Variants in ZSCAN20 observed in about 807,000 individuals in gnomAD.
The protein encoded by ZSCAN20 is zinc finger and SCAN domain containing 20, also known as zinc finger and SCAN domain-containing protein 20.
Under a neutral mutation model 97.1 loss-of-function variants are expected in ZSCAN20, and 39 were observed. The ratio of observed to expected loss-of-function variants is 0.40; its 90% CI spans 0.31 to 0.52. The LOEUF (loss-of-function observed/expected upper bound fraction) is 0.52, where lower values mean the gene tolerates loss of function less well. Among genes scored for constraint, ZSCAN20 ranks in the 20% least tolerant of loss-of-function variants. The pLI, the probability that ZSCAN20 is intolerant of heterozygous loss-of-function variation, is 0.49. For missense variants in ZSCAN20, 1,115 were observed against 1,290.4 expected (o/e 0.86, Z 2.08); for synonymous variants, 456 against 467.3 (o/e 0.98, Z 0.31).
rs944518579 is a variant in ZSCAN20 at position 33,493,790 on chromosome 1, C to A, written c.1873+175C>A. On this transcript the variant is annotated intron_variant, in intron 7 of 7. Coordinates refer to ENST00000684572, the MANE Select transcript of ZSCAN20 (RefSeq NM_001377376.1). The surrounding 1 kb of genome is among the most constrained non-coding windows in gnomAD (Gnocchi z 4.3). ...TCTAGCTTTGTGTGATCCCCCGAATCAGTCAGTCAGTCAGTCATTCTATCT... is the reference window on the plus strand; with the variant it reads ...TCTAGCTTTGTGTGATCCCCCGAATAAGTCAGTCAGTCAGTCATTCTATCT... 1.3e-5 allele frequency among the ~76,000 whole-genome samples: 2 copies of A among 152,230 alleles called. No individual in the cohort carries two copies. The highest frequency in any genetic ancestry group is 4.8e-5 in the African/African-American group (2 of 41,466).
chr1:33,491,486 A>G lies in ZSCAN20; in HGVS notation c.1228A>G (p.Arg410Gly), dbSNP rs761159552. The G allele has an allele frequency of 8.1e-6, 13 of 1,614,122 alleles. No individual in the cohort carries two copies. In the East Asian group the frequency reaches 2.7e-4, roughly 33 times the overall value. The part of the protein sequence containing the change: ...PFYEELEALV[R>G]ARTAIRATDG... ...CTATGAGGAGCTGGAGGCCCTGGTCAGGGCTCGGACAGCCATCAGAGCCAC... is the reference window on the plus strand; with the variant it reads ...CTATGAGGAGCTGGAGGCCCTGGTCGGGGCTCGGACAGCCATCAGAGCCAC... The change falls in exon 6 of 8, where the codon AGG becomes GGG. Residue 410 changes from arginine to glycine, a missense_variant. Arg to Gly is a moderately radical substitution (Grantham distance 125). This residue lies in a region of ZSCAN20 where 508 missense variants were observed against 611.2 expected (regional missense o/e 0.83). Coordinates refer to ENST00000684572, the MANE Select transcript of ZSCAN20 (RefSeq NM_001377376.1). This position sits in a 1 kb window ranked among gnomAD's most constrained non-coding sequence, Gnocchi z 4.3.
intron 1 of ZSCAN20, among the ~76,000 whole-genome samples, chr1:33,474,183 C>A (rs1223200248): frequency 6.6e-6 from 1 of 152,224 alleles, no homozygotes; most frequent in African/African-American, 2.4e-5. Flanking sequence ...GTACTCAGAG[C>A]CCTCAGCACA....
intron 2 of ZSCAN20, among the ~76,000 whole-genome samples, chr1:33,487,721 G>A (rs917789641): frequency 1.3e-5 from 2 of 152,114 alleles, no homozygotes; most frequent in African/African-American, 2.4e-5. Flanking sequence ...TAGGTCACTG[G>A]TACTTCAAAC....
intron 2 of ZSCAN20, among the ~76,000 whole-genome samples, chr1:33,482,329 G>T (rs148620015): frequency 2.6e-4 from 40 of 152,122 alleles, no homozygotes; most frequent in African/African-American, 9.4e-4. Context: ...ACAGTATATA[G>T]CCCTTTCAGA....
At chr1:33,481,705 A>G (rs1188068832) in intron 2 of ZSCAN20, among the ~76,000 whole-genome samples, 1 of 152,206 alleles carries the variant, frequency 6.6e-6, no homozygotes, top group Non-Finnish European at 1.5e-5. Context: ...GTGAACCTGA[A>G]AAAGGTTGGT....
chr1:33,472,890 C>T (rs887284664), intron 1 of ZSCAN20, among the ~76,000 whole-genome samples, 199 bp downstream of exon 1: 1 of 150,084 alleles, frequency 6.7e-6, no homozygotes, highest in Admixed American at 6.6e-5. Context: ...GATGAGGAGG[C>T]GATAGAGGGC....
rs894148959 is a variant in ZSCAN20 at position 33,496,064 on chromosome 1, G to A, written c.*588G>A. On this transcript the variant is annotated 3_prime_UTR_variant, in exon 8 of 8. Coordinates refer to ENST00000684572, the MANE Select transcript of ZSCAN20 (RefSeq NM_001377376.1). ...TGGCAAGCTCTGTGCTAAGAACTTT[G>A]TATACATCATCTCATTTAATCTTCA... 1 of 152,194 alleles carries A rather than the reference G, an allele frequency of 6.6e-6. No homozygotes were observed. Among genetic ancestry groups the A allele is most frequent in the Non-Finnish European group, 1.5e-5 (1 of 68,044 alleles). 9.4% of individuals were successfully genotyped at this position (152,194 alleles called of 1,614,324 possible). A position where few individuals can be genotyped will look rare whatever the true frequency, so the allele number is the denominator to read the frequency against.
chr1:33,484,454 AT>A (rs1225596758), intron 2 of ZSCAN20, among the ~76,000 whole-genome samples: 1 of 151,592 alleles, frequency 6.6e-6, no homozygotes, highest in East Asian at 1.9e-4. Context: ...TGATCATGTG[AT>A]TTTTCTTTTT....
chr1:33,493,200 G>C lies in ZSCAN20; in HGVS notation c.1458G>C (p.Trp486Cys), dbSNP rs1288355914. The C allele has an allele frequency of 1.2e-6, 2 of 1,613,638 alleles. No homozygotes were observed. Residue 486 changes from tryptophan to cysteine, a missense_variant, in exon 7 of 8, where the codon TGG (tryptophan) becomes TGC (cysteine). By Grantham distance (215) the Trp-to-Cys change is radical. Coordinates refer to ENST00000684572, the MANE Select transcript of ZSCAN20 (RefSeq NM_001377376.1). The surrounding 1 kb of genome is among the most constrained non-coding windows in gnomAD (Gnocchi z 4.3). ...LFQSRIAGVHWGYEETKAFLA... is the reference protein window; with the variant it reads ...LFQSRIAGVHCGYEETKAFLA... ...CACTCCTGACAGCAGGTGTGCACTG[G>C]GGCTATGAGGAGACCAAGGCCTTCC...
At position 33,500,734 on chromosome 1, in the gene ZSCAN20, G is replaced by A. The variant is rs925877452; in HGVS notation, c.*5258G>A. ...AAAATTGTGCCCCCTAGAGGGCGAG[G>A]GCCACGGGAAGGGGGATCAGGAAAA... On this transcript the variant is annotated 3_prime_UTR_variant, in exon 8 of 8. Coordinates refer to ENST00000684572, the MANE Select transcript of ZSCAN20 (RefSeq NM_001377376.1). Among the ~76,000 whole-genome samples the A allele has an allele frequency of 6.6e-6, 1 of 151,434 alleles. No homozygotes were observed. The highest frequency in any genetic ancestry group is 6.6e-5 in the Admixed American group (1 of 15,202).
Position 33,491,229 on chromosome 1 carries a change from T to C in ZSCAN20, c.971T>C (p.Val324Ala). The C allele has an allele frequency of 6.2e-7, 1 of 1,614,086 alleles. No individual in the cohort carries two copies. The highest frequency in any genetic ancestry group is 1.1e-5 in the South Asian group (1 of 91,074). ...WDVEDMKVSGVHWGYEETKTF... is the reference protein window; with the variant it reads ...WDVEDMKVSGAHWGYEETKTF... ...GTGGAGGACATGAAGGTGTCAGGTGTTCACTGGGGCTATGAGGAGACCAAG... is the reference window on the plus strand; with the variant it reads ...GTGGAGGACATGAAGGTGTCAGGTGCTCACTGGGGCTATGAGGAGACCAAG... Residue 324 changes from valine to alanine, a missense_variant, in exon 6 of 8, where the codon GTT becomes GCT. Physicochemically the swap from Val to Ala is moderately conservative, Grantham distance 64 (BLOSUM62 0). Coordinates refer to ENST00000684572, the MANE Select transcript of ZSCAN20 (RefSeq NM_001377376.1). This position sits in a 1 kb window ranked among gnomAD's most constrained non-coding sequence, Gnocchi z 4.3.
intron 2 of ZSCAN20, among the ~76,000 whole-genome samples, chr1:33,484,661 G>A (rs1347018283): frequency 4.9e-5 from 7 of 143,168 alleles, no homozygotes; most frequent in Non-Finnish European, 9.0e-5. Flanking sequence ...TGGTTCTGTC[G>A]CCCAGGCTGG....
At chr1:33,482,229 T>C (rs553793134) in intron 2 of ZSCAN20, among the ~76,000 whole-genome samples, 16 of 152,328 alleles carry the variant, frequency 1.1e-4, no homozygotes, top group South Asian at 8.3e-4. Flanking sequence ...TACCTGTTTA[T>C]TCTTCCTTCC....
At chr1:33,489,326 AC>A in intron 4 of ZSCAN20, 135 bp downstream of exon 4, 3 of 1,077,468 alleles carry the variant, frequency 2.8e-6, no homozygotes, top group Non-Finnish European at 4.1e-6. Context: ...TTTGCCCTTC[AC>A]CCCCAGCCTG....
chr1:33,491,826 T>C lies in ZSCAN20; in HGVS notation c.1444+124T>C, dbSNP rs898258639. 1.5e-5 allele frequency: 14 copies of C among 947,826 alleles called. No individual in the cohort carries two copies. In the East Asian group the frequency reaches 3.6e-4, roughly 24 times the overall value. The allele number at this position is 947,826 out of a possible 1,614,324, so 58.7% of individuals were successfully genotyped here. ...GAAGCCACTAGAGTGAAGAGCTACATTCCTTAGGTCATCCTCAAACTCCAA... is the reference window on the plus strand; with the variant it reads ...GAAGCCACTAGAGTGAAGAGCTACACTCCTTAGGTCATCCTCAAACTCCAA... On this transcript the variant is annotated intron_variant, in intron 6 of 7. Transcript: ENST00000684572. This position sits in a 1 kb window ranked among gnomAD's most constrained non-coding sequence, Gnocchi z 4.3.
In ZSCAN20 at chr1:33,479,226, C is replaced by G; in HGVS notation, c.-63C>G. 1 of 1,510,996 alleles carries G rather than the reference C, an allele frequency of 6.6e-7. No individual in the cohort carries two copies. Among genetic ancestry groups the G allele is most frequent in the East Asian group, 2.3e-5 (1 of 43,902 alleles). The allele number at this position is 1,510,996 out of a possible 1,614,324, so 93.6% of individuals were successfully genotyped here. On this transcript the variant is annotated 5_prime_UTR_variant, in exon 2 of 8. Coordinates refer to ENST00000684572, the MANE Select transcript of ZSCAN20 (RefSeq NM_001377376.1). ...TCTAGGAGCCTCTTGAAGGACTCAC[C>G]GTAGATGCAGGAAGACATTGGATGA... is the stretch of plus-strand genomic sequence containing the variant.
intron 2 of ZSCAN20, among the ~76,000 whole-genome samples, chr1:33,487,417 T>A (rs911092464): frequency 6.6e-6 from 1 of 152,148 alleles, no homozygotes; most frequent in African/African-American, 2.4e-5. Flanking sequence ...GATAAGAAAT[T>A]AGCTGTGTGA....
Position 33,491,041 on chromosome 1 carries a change from A to C in ZSCAN20, c.783A>C (p.Lys261Asn). Reference protein sequence around the residue: ...NSVCLGVPVSKPSNTSEKEQG... With the variant: ...NSVCLGVPVSNPSNTSEKEQG... ...CTTTTGTAGGAGTTCCAGTTTCAAA[A>C]CCAAGTAATACCTCCGAGAAAGAGC... Residue 261 changes from lysine to asparagine, a missense_variant, in exon 6 of 8, where the codon AAA becomes AAC. Physicochemically the swap from Lys to Asn is moderately conservative, Grantham distance 94 (BLOSUM62 0). Transcript: ENST00000684572. The surrounding 1 kb of genome is among the most constrained non-coding windows in gnomAD (Gnocchi z 4.3). The C allele has an allele frequency of 6.3e-7, 1 of 1,599,566 alleles. No homozygotes were observed. The highest frequency in any genetic ancestry group is 1.1e-5 in the South Asian group (1 of 89,974).
rs992460586 is a variant in ZSCAN20, at chr1:33,500,660, T to G, written c.*5184T>G. On this transcript the variant is annotated 3_prime_UTR_variant, in exon 8 of 8. Coordinates refer to ENST00000684572, the MANE Select transcript of ZSCAN20 (RefSeq NM_001377376.1). ...TATTACATGATACTTATTTCTAAAG[T>G]CACTTTTTTTTTTTTTTTTACATTT... 5.2e-5 allele frequency among the ~76,000 whole-genome samples: 6 copies of G among 114,842 alleles called. No homozygotes were observed. The highest frequency in any genetic ancestry group is 1.1e-4 in the Non-Finnish European group (6 of 54,850). The allele number at this position is 114,842 out of a possible 152,430, so 75.3% of individuals were successfully genotyped here.
Sources: allele counts gnomAD v4.1 joint callset (sites outside exome capture counted in the v4.1 genomes callset), GRCh38; gene constraint gnomAD v4.1.1; regional missense constraint gnomAD v4.1.1; non-coding constraint Gnocchi (gnomAD v3.1); transcripts MANE v1.5; gene names NCBI Gene and HGNC (gene_info 2026-07-23, HGNC 2026-07-21).